Variants in ADCY9 observed in about 807,000 individuals in gnomAD.
ADCY9 encodes adenylate cyclase type 9.
ADCY9 carries 50 observed loss-of-function variants against 101.5 expected under a neutral mutation model. That is an observed-to-expected ratio of 0.49 (90% CI 0.39 to 0.62). ADCY9 has a LOEUF of 0.62. ADCY9 is among the 20% of genes least tolerant of loss of function. The probability of loss-of-function intolerance (pLI) is 0.00; values close to 1 mark genes in which losing one functional copy is unlikely to be tolerated. For missense variants in ADCY9, 1,662 were observed against 1,800.4 expected (o/e 0.92, Z 1.39); for synonymous variants, 905 against 769.3 (o/e 1.18, Z -2.92).
chr16:3,963,518 G>C lies in ADCY9; in HGVS notation c.*2257C>G. On this transcript the variant is annotated 3_prime_UTR_variant, in exon 11 of 11. Transcript: ENST00000294016. ...CAGGGTGTTTGAAAGACAACGTTAAGCTCTGGGTGAGTCTGCACGGGGCTG... is the reference window on the plus strand; with the variant it reads ...CAGGGTGTTTGAAAGACAACGTTAACCTCTGGGTGAGTCTGCACGGGGCTG... The C allele has an allele frequency of 2.6e-6, 1 of 387,258 alleles. No individual in the cohort carries two copies. Among genetic ancestry groups the C allele is most frequent in the East Asian group, 3.7e-5 (1 of 27,388 alleles). 24.0% of individuals were successfully genotyped at this position (387,258 alleles called of 1,614,324 possible).
chr16:4,096,874 T>A (rs2057006898), intron 2 of ADCY9, among the ~76,000 whole-genome samples: 1 of 152,088 alleles, frequency 6.6e-6, no homozygotes, highest in South Asian at 2.1e-4. Flanking sequence ...AAGCTGCTTT[T>A]TCCCCGCTTT....
In ADCY9 at chr16:3,992,714, G is replaced by T. The variant is rs568581322; in HGVS notation, c.1990-351C>A. On this transcript the variant is annotated intron_variant, in intron 4 of 10. Transcript: ENST00000294016. This position sits in a 1 kb window ranked among gnomAD's most constrained non-coding sequence, Gnocchi z 4.2. ...TGCTTAGGCCAGAACCACGGTTCTG[G>T]GAGCAGGGTGCATGGGTCGGGGGTC... is the stretch of plus-strand genomic sequence containing the variant. Among the ~76,000 whole-genome samples the T allele has an allele frequency of 6.6e-6, 1 of 152,116 alleles. No homozygotes were observed. Among genetic ancestry groups the T allele is most frequent in the African/African-American group, 2.4e-5 (1 of 41,430 alleles).
intron 2 of ADCY9, among the ~76,000 whole-genome samples, chr16:4,057,316 T>C (rs766585267): frequency 6.6e-6 from 1 of 152,042 alleles, no homozygotes; most frequent in Non-Finnish European, 1.5e-5. Context: ...TATTGAGATA[T>C]AATTCACATA....
Position 3,964,496 on chromosome 16 carries a change from G to C in ADCY9, c.*1279C>G, listed in dbSNP as rs944989812. ...TTTCAGAGCTGGAATTTGCTCCCCA[G>C]ATTAAATCCTGCCACTGATAGGCCC... is the stretch of plus-strand genomic sequence containing the variant. On this transcript the variant is annotated 3_prime_UTR_variant, in exon 11 of 11. Coordinates refer to ENST00000294016, the MANE Select transcript of ADCY9 (RefSeq NM_001116.4). The C allele has an allele frequency of 1.3e-5, 2 of 152,286 alleles. No homozygotes were observed. Among genetic ancestry groups the C allele is most frequent in the African/African-American group, 2.4e-5 (1 of 41,458 alleles). The allele number at this position is 152,286 out of a possible 1,614,324, so 9.4% of individuals were successfully genotyped here.
intron 3 of ADCY9, among the ~76,000 whole-genome samples, chr16:4,005,317 C>G (rs2056360060): frequency 6.6e-6 from 1 of 152,186 alleles, no homozygotes; most frequent in Non-Finnish European, 1.5e-5. Context: ...AGCCTAAATT[C>G]CTGGGCTCAA....
intron 2 of ADCY9, among the ~76,000 whole-genome samples, chr16:4,087,842 T>C (rs1388914479): frequency 6.6e-6 from 1 of 151,484 alleles, no homozygotes; most frequent in East Asian, 1.9e-4. Flanking sequence ...CCTTCCTTCC[T>C]TCTTTCTCTT....
At chr16:4,082,213 A>C (rs1373980274) in intron 2 of ADCY9, among the ~76,000 whole-genome samples, 3 of 149,240 alleles carry the variant, frequency 2.0e-5, no homozygotes, top group African/African-American at 7.4e-5. Flanking sequence ...CTGTCTCTAC[A>C]AAAAAAAAAT....
Position 3,963,133 on chromosome 16 carries a change from T to G in ADCY9, c.*2642A>C, listed in dbSNP as rs1360951817. 17 of 153,326 alleles carry G rather than the reference T, an allele frequency of 1.1e-4. No individual in the cohort carries two copies. The highest frequency in any genetic ancestry group is 4.5e-4 in the African/African-American group (16 of 35,664). 9.5% of individuals were successfully genotyped at this position (153,326 alleles called of 1,614,324 possible). ...ATATATATATATATATATATATATA[T>G]ATATATATATGGATATATAATTCGA... On this transcript the variant is annotated 3_prime_UTR_variant, in exon 11 of 11. Transcript: ENST00000294016.
intron 2 of ADCY9, among the ~76,000 whole-genome samples, chr16:4,051,522 T>TAAAA (rs537295838): frequency 6.5e-5 from 8 of 122,274 alleles, no homozygotes; most frequent in Non-Finnish European, 1.2e-4. Flanking sequence ...AGACTCCATC[T>TAAAA]AAAAAAAAAA....
downstream of ADCY9, among the ~76,000 whole-genome samples, chr16:3,961,759 C>T (rs2055940157): frequency 6.6e-6 from 1 of 152,138 alleles, no homozygotes; most frequent in Non-Finnish European, 1.5e-5. Flanking sequence ...GGCACAGTGG[C>T]TCATGCCTGT....
At chr16:4,014,780 T>TCC (rs1206820073) in intron 2 of ADCY9, among the ~76,000 whole-genome samples, 1 of 1,314 alleles carries the variant, frequency 7.6e-4, no homozygotes, top group Non-Finnish European at 0.016. Flanking sequence ...GTGCACGCAT[T>TCC]CTCTCTCTCT....
At chr16:3,969,569 A>AATATAT (rs57260468) in intron 10 of ADCY9, among the ~76,000 whole-genome samples, 991 of 45,126 alleles carry the variant, frequency 0.022, 57 homozygotes, top group Non-Finnish European at 0.033. Context: ...GTTTGTTTGA[A>AATATAT]ATATATATAT....
intron 2 of ADCY9, among the ~76,000 whole-genome samples, chr16:4,095,200 G>GCCC (rs34039133): frequency 1.3e-5 from 2 of 151,606 alleles, no homozygotes; most frequent in Admixed American, 6.6e-5. Flanking sequence ...CAGGGTTTCG[G>GCCC]ACGTTGGCCA....
intron 5 of ADCY9, 69 bp from the exon 6 acceptor site, chr16:3,989,165 A>G (rs1403545731): frequency 4.9e-6 from 6 of 1,213,238 alleles, no homozygotes; most frequent in African/African-American, 1.5e-5. Context: ...TTCAGATCAT[A>G]ATTAGCTACC....
intron 8 of ADCY9, 139 bp from the exon 9 acceptor site, chr16:3,977,769 T>C (rs2056105789): frequency 2.7e-6 from 3 of 1,098,666 alleles, no homozygotes; most frequent in South Asian, 1.7e-5. Flanking sequence ...CAGGCTGGAG[T>C]GCAGTGGTGC....
chr16:3,967,041 C>T lies in ADCY9; in HGVS notation c.2871-75G>A, dbSNP rs566448676. ...AAGCTCAGAACAGCCCCGCTAGCTA[C>T]GCAAAGCTTTGTTGAGTCCAGGCCT... On this transcript the variant is annotated intron_variant, in intron 10 of 10. Coordinates refer to ENST00000294016, the MANE Select transcript of ADCY9 (RefSeq NM_001116.4). 35 of 1,288,290 alleles carry T rather than the reference C, an allele frequency of 2.7e-5. No homozygotes were observed. In the Admixed American group the frequency reaches 5.9e-4, roughly 22 times the overall value. The allele number at this position is 1,288,290 out of a possible 1,614,324, so 79.8% of individuals were successfully genotyped here.
At chr16:3,956,432 G>A (rs953033848) in intron 5 of ADCY9, among the ~76,000 whole-genome samples, 2 of 148,096 alleles carry the variant, frequency 1.4e-5, no homozygotes, top group Non-Finnish European at 3.0e-5. Flanking sequence ...TTGCATTAAA[G>A]GAACATCTTC....
intron 2 of ADCY9, among the ~76,000 whole-genome samples, chr16:4,015,099 C>G (rs1376295750): frequency 4.6e-5 from 7 of 151,890 alleles, no homozygotes; most frequent in Admixed American, 4.6e-4. Context: ...ACCACTATGC[C>G]TGGCTAATTT....
At chr16:4,021,284 C>A (rs890460130) in intron 2 of ADCY9, among the ~76,000 whole-genome samples, 32 of 152,236 alleles carry the variant, frequency 2.1e-4, no homozygotes, top group Admixed American at 1.8e-3. Flanking sequence ...CTAACAAGAT[C>A]TGGCAGAGAC....
Sources: gnomAD v4.1 joint callset for allele counts (sites outside exome capture counted in the v4.1 genomes callset) on GRCh38, gnomAD v4.1.1 for gene constraint, Gnocchi (gnomAD v3.1) non-coding constraint, MANE v1.5 for transcripts, NCBI Gene and HGNC (gene_info 2026-07-23, HGNC 2026-07-21) for gene names.